Variants in PLXNA4 observed in about 807,000 individuals in gnomAD.
PLXNA4 encodes plexin-A4.
Under a neutral mutation model 191.8 loss-of-function variants are expected in PLXNA4, and 44 were observed. The observed-to-expected ratio is 0.23, with a 90% CI of 0.18 to 0.29. The LOEUF is 0.29. PLXNA4 is among the 10% of genes least tolerant of loss of function. PLXNA4 has a pLI of 1.00. For missense variants in PLXNA4, 1,800 were observed against 2,488.8 expected (o/e 0.72, Z 5.89); for synonymous variants, 1,082 against 1,009.5 (o/e 1.07, Z -1.36).
At chr7:132,135,666 A>ATG (rs1447881548) in intron 30 of PLXNA4, among the ~76,000 whole-genome samples, 1 of 152,156 alleles carries the variant, frequency 6.6e-6, no homozygotes, top group East Asian at 1.9e-4. Flanking sequence ...AGAAGTATAT[A>ATG]TGTGTGTGTG....
chr7:132,249,541 C>T (rs776221769), intron 4 of PLXNA4, among the ~76,000 whole-genome samples: 5 of 152,140 alleles, frequency 3.3e-5, no homozygotes, highest in Admixed American at 6.5e-5. Context: ...GTGTGGGCTG[C>T]GCTAAAATGG....
chr7:132,198,528 C>G lies in PLXNA4; in HGVS notation c.2695G>C (p.Val899Leu). 1 of 1,614,244 alleles carries G rather than the reference C, an allele frequency of 6.2e-7. No homozygotes were observed. The highest frequency in any genetic ancestry group is 8.5e-7 in the Non-Finnish European group (1 of 1,180,042). Residue 899 changes from valine (V) to leucine (L), a missense_variant, in exon 13 of 32, where the codon GTG becomes CTG. Around this residue, in one of 6 missense-constraint regions of PLXNA4, gnomAD observed 1,397 missense variants for 1,880.4 expected, o/e 0.74. Transcript: ENST00000321063. ...DIASHVKVAG[V>L]ECSPLVDGYI... is the part of the protein sequence containing the mutation. ...CCATCCACTAAAGGGCTGCACTCCA[C>G]GCCAGCAACCTTGACATGGGAGGCG...
At chr7:132,533,825 C>T (rs2116454088) in intron 1 of PLXNA4, among the ~76,000 whole-genome samples, 1 of 152,288 alleles carries the variant, frequency 6.6e-6, no homozygotes, top group South Asian at 2.1e-4. Flanking sequence ...ACAAGGCCAC[C>T]TCATCCTCTC....
intron 29 of PLXNA4, among the ~76,000 whole-genome samples, chr7:132,144,074 C>G (rs2598197): frequency 0.27 from 40,409 of 152,176 alleles, 12,434 homozygotes; most frequent in African/African-American, 0.76. Context: ...CAGGGTGCTT[C>G]GCTGAGCCCT....
intron 4 of PLXNA4, among the ~76,000 whole-genome samples, chr7:132,259,469 AAAAAGAAAAAAGG>A (rs1799553931): frequency 7.3e-6 from 1 of 136,660 alleles, no homozygotes; most frequent in African/African-American, 2.9e-5. Flanking sequence ...AAAAAAAAAA[AAAAAGAAAAAAGG>A]AAAAAAGAAA....
At chr7:132,623,569 T>C (rs1803314363) in intron 2 of PLXNA4, among the ~76,000 whole-genome samples, 1 of 152,166 alleles carries the variant, frequency 6.6e-6, no homozygotes, top group South Asian at 2.1e-4. Context: ...CCTTCCACCA[T>C]AGCAGCAGTT....
chr7:132,345,595 CTA>C (rs770166230), intron 3 of PLXNA4, among the ~76,000 whole-genome samples: 1 of 152,300 alleles, frequency 6.6e-6, no homozygotes, highest in Non-Finnish European at 1.5e-5. Context: ...TCTGGGAACT[CTA>C]TAGAGTTGTG....
intron 3 of PLXNA4, among the ~76,000 whole-genome samples, chr7:132,462,654 C>G (rs577298398): frequency 5.3e-5 from 8 of 152,088 alleles, no homozygotes; most frequent in Middle Eastern, 3.4e-3. Flanking sequence ...GTTGCCCAGG[C>G]TGGCCTCTAA....
chr7:132,191,266 GA>G (rs1797077947), intron 14 of PLXNA4, among the ~76,000 whole-genome samples: 1 of 152,174 alleles, frequency 6.6e-6, no homozygotes. Flanking sequence ...AACAGAATGG[GA>G]AAAGGAAGAC....
In PLXNA4 at chr7:132,223,536, C is replaced by G. The variant is rs1478138796; in HGVS notation, c.2088G>C (p.Lys696Asn). Residue 696 changes from lysine to asparagine, a missense_variant, in exon 9 of 32, where the codon AAG (lysine) becomes AAC (asparagine). Lys to Asn is a moderately conservative substitution (Grantham distance 94). Transcript: ENST00000321063. ...GCTGCCAGGGACCTACCTCGGGCAG[C>G]TTCACTCGGCCTTCCTGGAAGGAGC... ...KTCSFQEGRV[K>N]LPEDCPQLLR... 1 of 1,612,924 alleles carries G rather than the reference C, an allele frequency of 6.2e-7. No homozygotes were observed.
chr7:132,468,437 AC>A (rs780696554), intron 3 of PLXNA4, among the ~76,000 whole-genome samples: 6 of 152,190 alleles, frequency 3.9e-5, no homozygotes, highest in Non-Finnish European at 8.8e-5. Flanking sequence ...ATCCCAGTGA[AC>A]CCTGAAGGAA....
At chr7:132,611,509 C>T (rs1038581172) in intron 2 of PLXNA4, among the ~76,000 whole-genome samples, 1 of 152,202 alleles carries the variant, frequency 6.6e-6, no homozygotes, top group African/African-American at 2.4e-5. Context: ...AACTTCTGAA[C>T]GTCTCCAAGA....
At chr7:132,599,924 C>T (rs1279507696) in intron 2 of PLXNA4, among the ~76,000 whole-genome samples, 1 of 152,114 alleles carries the variant, frequency 6.6e-6, no homozygotes, top group Non-Finnish European at 1.5e-5. Flanking sequence ...ATTTCTTCAT[C>T]AATTGAGATA....
intron 3 of PLXNA4, among the ~76,000 whole-genome samples, chr7:132,426,505 A>G (rs1359981873): frequency 6.6e-6 from 1 of 152,228 alleles, no homozygotes; most frequent in African/African-American, 2.4e-5. Flanking sequence ...GGGCAGCAGC[A>G]GGTGTTTGCA....
chr7:132,405,872 C>A (rs977316835), intron 3 of PLXNA4, among the ~76,000 whole-genome samples: 2 of 152,214 alleles, frequency 1.3e-5, no homozygotes, highest in Non-Finnish European at 2.9e-5. Context: ...GAAAACAAGT[C>A]TTCCCCTTGC....
chr7:132,189,504 T>C (rs1248269194), intron 14 of PLXNA4, among the ~76,000 whole-genome samples: 1 of 152,080 alleles, frequency 6.6e-6, no homozygotes, highest in Non-Finnish European at 1.5e-5. Context: ...TGGTTTTTGA[T>C]GAATAAACCC....
chr7:132,624,444 C>A lies in PLXNA4; in HGVS notation c.-87+21484G>T, dbSNP rs185918246. On this transcript the variant is annotated intron_variant, in intron 2 of 4. Coordinates refer to the PLXNA4 transcript ENST00000378539. ...TTTCTCATGAGCATAGATCACAGAG[C>A]CCATGCCAAATAGTGGAAATGTTTA... Among the ~76,000 whole-genome samples the A allele has an allele frequency of 5.5e-3, 831 of 152,204 alleles. 6 individuals are homozygous for A. The highest frequency in any genetic ancestry group is 0.027 in the Middle Eastern group (8 of 294).
chr7:132,483,846 A>C (rs1409525327), intron 3 of PLXNA4, among the ~76,000 whole-genome samples: 1 of 152,220 alleles, frequency 6.6e-6, no homozygotes, highest in African/African-American at 2.4e-5. Flanking sequence ...TGGGATTTCA[A>C]TGTGTGTTTC....
intron 31 of PLXNA4, among the ~76,000 whole-genome samples, chr7:132,132,485 C>CTA (rs879918695): frequency 0.021 from 2,016 of 96,458 alleles, 177 homozygotes; most frequent in South Asian, 0.041. Context: ...CTGCTCTGCT[C>CTA]TGCTCTATTC....
Sources: allele counts gnomAD v4.1 joint callset (sites outside exome capture counted in the v4.1 genomes callset), GRCh38; gene constraint gnomAD v4.1.1; regional missense constraint gnomAD v4.1.1; transcripts MANE v1.5; gene names NCBI Gene and HGNC (gene_info 2026-07-23, HGNC 2026-07-21).